MCPH1: variants seen among roughly 807,000 people sequenced by gnomAD.
MCPH1 encodes microcephalin 1.
MCPH1 carries 104 observed loss-of-function variants against 84.5 expected under a neutral mutation model. The observed-to-expected ratio is 1.23, with a 90% confidence interval of 1.05 to 1.45. MCPH1 has a LOEUF of 1.45. Ranked by LOEUF, MCPH1 falls within the 40% of genes most tolerant of loss-of-function variation. The probability of loss-of-function intolerance (pLI) is 0.00; values close to 1 mark genes in which losing one functional copy is unlikely to be tolerated. For synonymous variants in MCPH1, 514 were observed against 366.8 expected, an observed-to-expected ratio of 1.40 and a Z score of -4.58; for missense variants, 1,498 against 1,005.7, an observed-to-expected ratio of 1.49 and a Z score of -6.62.
chr8:6,638,595 A>T (rs184588915), intron 13 of MCPH1, among the ~76,000 whole-genome samples: 6,458 of 117,210 alleles, frequency 0.055, 457 homozygotes, highest in African/African-American at 0.18. Flanking sequence ...AAAAAAAAAA[A>T]TTTTTTTTTT....
chr8:6,412,087 G>T (rs1053780931), intron 2 of MCPH1, among the ~76,000 whole-genome samples: 1 of 152,156 alleles, frequency 6.6e-6, no homozygotes. Flanking sequence ...CAAAGAGTGG[G>T]TGCTACTGAA....
chr8:6,468,124 G>A (rs760164061), intron 9 of MCPH1, among the ~76,000 whole-genome samples: 1 of 152,164 alleles, frequency 6.6e-6, no homozygotes, highest in Non-Finnish European at 1.5e-5. Context: ...TCACCACCAA[G>A]GATCCAGAGC....
At position 6,492,249 on chromosome 8, in the gene MCPH1, G is replaced by A. The variant is rs185013694; in HGVS notation, c.2137-7603G>A. On this transcript the variant is annotated intron_variant, in intron 11 of 13. Coordinates refer to ENST00000344683, the MANE Select transcript of MCPH1 (RefSeq NM_024596.5). The stretch of plus-strand genomic sequence containing the variant: ...CCAGTGATGATGCGCATGTTTTCAT[G>A]TGTCTGTTGGCTGCATAAATGTCTT... 2.3e-4 allele frequency among the ~76,000 whole-genome samples: 35 copies of A among 152,324 alleles called. No homozygotes were observed. The East Asian group carries it at 6.7e-3, about 29-fold the overall frequency.
intron 9 of MCPH1, among the ~76,000 whole-genome samples, chr8:6,469,741 A>G (rs561369476): frequency 6.6e-6 from 1 of 152,354 alleles, no homozygotes; most frequent in Non-Finnish European, 1.5e-5. Flanking sequence ...TAAAACGGGT[A>G]TATCTGTTTA....
chr8:6,539,651 A>ACAG (rs1821173533), intron 12 of MCPH1, among the ~76,000 whole-genome samples: 2 of 152,028 alleles, frequency 1.3e-5, no homozygotes, highest in Non-Finnish European at 2.9e-5. Flanking sequence ...CAGCGGCGTG[A>ACAG]TCTTGGCTCA....
At chr8:6,536,581 G>C (rs193158699) in intron 12 of MCPH1, among the ~76,000 whole-genome samples, 1 of 152,260 alleles carries the variant, frequency 6.6e-6, no homozygotes, top group East Asian at 1.9e-4. Context: ...GGAGCATCCT[G>C]ACAAAAGAAT....
At chr8:6,569,007 C>T (rs1203727905) in intron 12 of MCPH1, among the ~76,000 whole-genome samples, 2 of 152,146 alleles carry the variant, frequency 1.3e-5, no homozygotes, top group Non-Finnish European at 2.9e-5. Flanking sequence ...GACTCTTGGG[C>T]GCCTGGCACA....
rs1032767191 is a variant in MCPH1, at chr8:6,439,575, T to G, written c.580+479T>G. 5.9e-4 allele frequency among the ~76,000 whole-genome samples: 90 copies of G among 152,070 alleles called. 3 individuals are homozygous for G. Among genetic ancestry groups the G allele is most frequent in the Admixed American group, 5.1e-3 (78 of 15,284 alleles). ...AATTTTTTTTTGTTTTTTTGTATTTTTAGTAGAGACGGGGTTTCACCATGT... is the reference window on the plus strand; with the variant it reads ...AATTTTTTTTTGTTTTTTTGTATTTGTAGTAGAGACGGGGTTTCACCATGT... On this transcript the variant is annotated intron_variant, in intron 6 of 13. Transcript: ENST00000344683.
In MCPH1 at chr8:6,647,405, C is replaced by G. The variant is rs561479009; in HGVS notation, c.*4356C>G. 3 of 152,212 alleles carry G rather than the reference C, an allele frequency of 2.0e-5. No homozygotes were observed. Among genetic ancestry groups the G allele is most frequent in the African/African-American group, 7.2e-5 (3 of 41,526 alleles). 9.4% of individuals were successfully genotyped at this position (152,212 alleles called of 1,614,324 possible). ...ATTGAACATTCAACTACCATATGAC[C>G]CAGCAATTTCACTCTCAGGTATATA... is the stretch of plus-strand genomic sequence containing the variant. On this transcript the variant is annotated 3_prime_UTR_variant, in exon 14 of 14. Coordinates refer to ENST00000344683, the MANE Select transcript of MCPH1 (RefSeq NM_024596.5).
chr8:6,449,273 A>C (rs1804792791), intron 8 of MCPH1, among the ~76,000 whole-genome samples: 1 of 152,176 alleles, frequency 6.6e-6, no homozygotes, highest in Non-Finnish European at 1.5e-5. Flanking sequence ...CTTATATTGC[A>C]GATTCATCAC....
At chr8:6,629,361 C>G (rs1796990871) in intron 13 of MCPH1, among the ~76,000 whole-genome samples, 1 of 152,192 alleles carries the variant, frequency 6.6e-6, no homozygotes, top group African/African-American at 2.4e-5. Context: ...ACTTGGGAGG[C>G]TGAGGCAGGA....
rs768526572 is a variant in MCPH1 at position 6,643,042 on chromosome 8, C to G, written c.2501C>G (p.Ser834Ter). Residue 834 changes from serine (S) to a stop codon, truncating the protein, a stop_gained, in exon 14 of 14, where the codon TCA becomes TGA. Coordinates refer to ENST00000344683, the MANE Select transcript of MCPH1 (RefSeq NM_024596.5). LOFTEE classifies it high-confidence loss of function. ...KVCAPENYLL[S>*]Q ...TGTGCCCCTGAAAACTACCTATTGT[C>G]ACAATGACAGTGACCTCACTGGCCT... 9.9e-6 allele frequency: 16 copies of G among 1,613,864 alleles called. No individual in the cohort carries two copies. Among genetic ancestry groups the G allele is most frequent in the Non-Finnish European group, 1.3e-5 (15 of 1,179,778 alleles).
rs975130534 is a variant in MCPH1, at chr8:6,485,906, T to G, written c.2136+5030T>G. On this transcript the variant is annotated intron_variant, in intron 11 of 13. Transcript: ENST00000344683. ...CGCTGGCACAACAGGAGTATTGATG[T>G]TCACAGGTTGCTCCTGACTTGCACC... 2.2e-4 allele frequency among the ~76,000 whole-genome samples: 34 copies of G among 152,194 alleles called. 1 individual carries two copies. The highest frequency in any genetic ancestry group is 1.5e-5 in the Non-Finnish European group (1 of 68,034).
At chr8:6,543,227 A>G (rs1586517059) in intron 12 of MCPH1, among the ~76,000 whole-genome samples, 4 of 152,314 alleles carry the variant, frequency 2.6e-5, no homozygotes, top group African/African-American at 9.6e-5. Context: ...AATACACAGG[A>G]TTAATTTACA....
intron 11 of MCPH1, among the ~76,000 whole-genome samples, chr8:6,497,080 G>T (rs1811321370): frequency 6.6e-6 from 1 of 152,116 alleles, no homozygotes; most frequent in African/African-American, 2.4e-5. Context: ...GCTAATTAAT[G>T]AATAAAAACT....
At chr8:6,479,808 A>AT (rs1034790192) in intron 10 of MCPH1, among the ~76,000 whole-genome samples, 1 of 152,150 alleles carries the variant, frequency 6.6e-6, no homozygotes, top group Non-Finnish European at 1.5e-5. Flanking sequence ...GAAAGAATAT[A>AT]TTTTTTTAAA....
chr8:6,621,017 A>C, intron 12 of MCPH1: 1 of 239,148 alleles, frequency 4.2e-6, no homozygotes, highest in Non-Finnish European at 8.2e-6. Flanking sequence ...TTTTCTGCCA[A>C]CAGCCTGGAG....
At chr8:6,461,687 T>C (rs1806316681) in intron 9 of MCPH1, among the ~76,000 whole-genome samples, 1 of 152,190 alleles carries the variant, frequency 6.6e-6, no homozygotes, top group South Asian at 2.1e-4. Context: ...TTATTACCTC[T>C]GTAATCTTAG....
chr8:6,511,548 C>T (rs765126023), intron 12 of MCPH1, among the ~76,000 whole-genome samples: 30 of 151,864 alleles, frequency 2.0e-4, no homozygotes, highest in Non-Finnish European at 3.5e-4. Context: ...AACATTTCTT[C>T]TGGGAAAAAA....
Sources: gnomAD v4.1 joint callset for allele counts (sites outside exome capture counted in the v4.1 genomes callset) on GRCh38, gnomAD v4.1.1 for gene constraint, MANE v1.5 for transcripts, NCBI Gene and HGNC (gene_info 2026-07-23, HGNC 2026-07-21) for gene names.